AKAP6: variants seen among roughly 807,000 people sequenced by gnomAD.
AKAP6 encodes A-kinase anchoring protein 6, also known as A-kinase anchor protein 6.
In AKAP6, 58 loss-of-function variants were observed where a neutral mutation model predicts 188.5. The ratio of observed to expected loss-of-function variants is 0.31; its 90% CI spans 0.25 to 0.38. The LOEUF (loss-of-function observed/expected upper bound fraction) is 0.38, where lower values mean the gene tolerates loss of function less well. Ranked by LOEUF, AKAP6 falls within the 10% of genes least tolerant of loss-of-function variation. AKAP6 has a pLI of 1.00. For synonymous variants in AKAP6, 989 were observed against 998.6 expected, an observed-to-expected ratio of 0.99 and a Z score of 0.18; for missense variants, 2,710 against 2,740.0, an observed-to-expected ratio of 0.99 and a Z score of 0.24.
At chr14:32,377,246 C>A (rs1888185581) in intron 1 of AKAP6, among the ~76,000 whole-genome samples, 1 of 152,168 alleles carries the variant, frequency 6.6e-6, no homozygotes, top group East Asian at 1.9e-4. Flanking sequence ...GCAATTATTT[C>A]TCTCGCTCAT....
chr14:32,517,610 A>T (rs912260296), intron 2 of AKAP6, among the ~76,000 whole-genome samples: 3 of 152,186 alleles, frequency 2.0e-5, no homozygotes, highest in Non-Finnish European at 2.9e-5. Flanking sequence ...GCACAGCAGT[A>T]TGAGAGCGAA....
At chr14:32,646,555 C>A (rs573108468) in intron 7 of AKAP6, among the ~76,000 whole-genome samples, 1 of 152,116 alleles carries the variant, frequency 6.6e-6, no homozygotes, top group South Asian at 2.1e-4. Flanking sequence ...AATGGCTGAA[C>A]TAGCAACAGT....
chr14:32,373,065 T>C lies in AKAP6; in HGVS notation c.-35+43657T>C, dbSNP rs117993230. Among the ~76,000 whole-genome samples the C allele has an allele frequency of 9.9e-4, 150 of 151,650 alleles. 1 individual carries two copies. Among genetic ancestry groups the C allele is most frequent in the South Asian group, 2.1e-3 (10 of 4,746 alleles). On this transcript the variant is annotated intron_variant, in intron 1 of 13. Transcript: ENST00000280979. ...GTCTGACGGTTCTAGCTCTTTATAA[T>C]ATAAATTTCATTTCAAAATTTATGG...
intron 2 of AKAP6, among the ~76,000 whole-genome samples, chr14:32,466,747 A>AC (rs1878464192): frequency 6.7e-6 from 1 of 149,510 alleles, no homozygotes; most frequent in Admixed American, 6.7e-5. Flanking sequence ...TTCAAAAAAA[A>AC]AAAAAAAGAG....
At chr14:32,571,617 G>T (rs1566581800) in intron 4 of AKAP6, among the ~76,000 whole-genome samples, 1 of 152,206 alleles carries the variant, frequency 6.6e-6, no homozygotes, top group Non-Finnish European at 1.5e-5. Flanking sequence ...TGTGGAGGCA[G>T]CTAACTCGAT....
intron 12 of AKAP6, among the ~76,000 whole-genome samples, chr14:32,789,681 C>A (rs2033548765): frequency 6.6e-6 from 1 of 152,172 alleles, no homozygotes; most frequent in African/African-American, 2.4e-5. Context: ...CAGAAAACAA[C>A]AATATCAACA....
chr14:32,805,072 A>G (rs1438053061), intron 12 of AKAP6, among the ~76,000 whole-genome samples: 2 of 152,220 alleles, frequency 1.3e-5, no homozygotes, highest in East Asian at 3.9e-4. Flanking sequence ...TAACACAATT[A>G]TCACAATGGT....
chr14:32,578,216 G>C (rs988244240), intron 5 of AKAP6, among the ~76,000 whole-genome samples: 2 of 152,116 alleles, frequency 1.3e-5, no homozygotes, highest in Admixed American at 1.3e-4. Context: ...AGAAGGGAGA[G>C]ATGGAGAGGG....
chr14:32,745,614 A>T (rs1594904133), intron 11 of AKAP6, among the ~76,000 whole-genome samples: 1 of 151,764 alleles, frequency 6.6e-6, no homozygotes, highest in South Asian at 2.1e-4. Flanking sequence ...GCTGGTTCAG[A>T]CCTGAAGCCA....
intron 11 of AKAP6, among the ~76,000 whole-genome samples, chr14:32,756,467 G>T (rs1347161371): frequency 2.0e-5 from 3 of 151,978 alleles, no homozygotes; most frequent in African/African-American, 7.2e-5. Context: ...GTATATTAGG[G>T]CACACTGGAG....
At chr14:32,604,703 A>T (rs1470406760) in intron 7 of AKAP6, among the ~76,000 whole-genome samples, 1 of 152,196 alleles carries the variant, frequency 6.6e-6, no homozygotes, top group Non-Finnish European at 1.5e-5. Context: ...TAATGATAAT[A>T]TCTGCCTCAA....
chr14:32,443,173 A>G (rs900224619), intron 2 of AKAP6, among the ~76,000 whole-genome samples: 4 of 151,996 alleles, frequency 2.6e-5, no homozygotes, highest in Admixed American at 1.3e-4. Context: ...AGGCAGGTGG[A>G]TCACAAAGTC....
chr14:32,495,900 C>T (rs188049929), intron 2 of AKAP6, among the ~76,000 whole-genome samples: 44 of 152,214 alleles, frequency 2.9e-4, no homozygotes, highest in African/African-American at 1.0e-3. Context: ...AGTTAAACTA[C>T]TGTTTGTGCC....
At chr14:32,798,463 G>T (rs868681936) in intron 12 of AKAP6, among the ~76,000 whole-genome samples, 2 of 152,204 alleles carry the variant, frequency 1.3e-5, no homozygotes, top group South Asian at 4.1e-4. Context: ...CAAAGACATG[G>T]AATCAACCTG....
Position 32,830,851 on chromosome 14 carries a change from T to C in AKAP6, c.*1046T>C, listed in dbSNP as rs2034807044. ...CTCTTCTACTATGTTCTTTACCAAATTGTTGCATCTGGTTCTGAAAAAGTA... is the reference window on the plus strand; with the variant it reads ...CTCTTCTACTATGTTCTTTACCAAACTGTTGCATCTGGTTCTGAAAAAGTA... On this transcript the variant is annotated 3_prime_UTR_variant, in exon 14 of 14. Coordinates refer to ENST00000280979, the MANE Select transcript of AKAP6 (RefSeq NM_004274.5). 1 of 152,586 alleles carries C rather than the reference T, an allele frequency of 6.6e-6. No individual in the cohort carries two copies. The highest frequency in any genetic ancestry group is 2.1e-4 in the South Asian group (1 of 4,822). 9.5% of individuals were successfully genotyped at this position (152,586 alleles called of 1,614,324 possible).
intron 11 of AKAP6, among the ~76,000 whole-genome samples, chr14:32,767,900 A>G (rs545497464): frequency 1.0e-3 from 158 of 152,208 alleles, no homozygotes; most frequent in African/African-American, 3.7e-3. Context: ...CTTATTTAGA[A>G]CCTACTACAA....
At chr14:32,424,109 TG>T (rs1369343226) in intron 1 of AKAP6, among the ~76,000 whole-genome samples, 2 of 152,220 alleles carry the variant, frequency 1.3e-5, no homozygotes, top group African/African-American at 4.8e-5. Context: ...CTCATAATGC[TG>T]ATTTCTTATT....
intron 7 of AKAP6, among the ~76,000 whole-genome samples, chr14:32,618,027 A>G (rs1886655703): frequency 6.6e-6 from 1 of 152,156 alleles, no homozygotes; most frequent in East Asian, 1.9e-4. Flanking sequence ...ATTTAATTAA[A>G]TTTCATTATA....
intron 2 of AKAP6, among the ~76,000 whole-genome samples, chr14:32,518,274 A>G (rs540105836): frequency 2.6e-5 from 4 of 152,312 alleles, no homozygotes; most frequent in African/African-American, 9.6e-5. Context: ...AATTCTAAAA[A>G]TCAGAGCACC....
Sources: allele counts gnomAD v4.1 joint callset (sites outside exome capture counted in the v4.1 genomes callset), GRCh38; gene constraint gnomAD v4.1.1; transcripts MANE v1.5; gene names NCBI Gene and HGNC (gene_info 2026-07-23, HGNC 2026-07-21).